LINC00305: variants seen among roughly 807,000 people sequenced by gnomAD.
LINC00305 encodes the protein long intergenic non-protein coding RNA 305.
chr18:64,108,501 G>A (rs2051301135), intron 1 of LINC00305, among the ~76,000 whole-genome samples: 1 of 152,170 alleles, frequency 6.6e-6, no homozygotes, highest in Admixed American at 6.5e-5. Flanking sequence ...TGCTGTTTTG[G>A]AGCCAAGGAC....
intron 1 of LINC00305, among the ~76,000 whole-genome samples, chr18:64,112,783 T>C: frequency 6.6e-6 from 1 of 152,222 alleles, no homozygotes; most frequent in Non-Finnish European, 1.5e-5. Flanking sequence ...TACTTCATAA[T>C]CAATGACTTT....
At chr18:64,126,295 C>T (rs975831482) in intron 1 of LINC00305, among the ~76,000 whole-genome samples, 1 of 151,960 alleles carries the variant, frequency 6.6e-6, no homozygotes, top group Non-Finnish European at 1.5e-5. Context: ...TAAGTGATTT[C>T]AATTCCTTTA....
intron 2 of LINC00305, among the ~76,000 whole-genome samples, chr18:64,098,253 C>T (rs2613659): frequency 0.12 from 18,666 of 152,092 alleles, 1,373 homozygotes; most frequent in East Asian, 0.19. Flanking sequence ...TAAACCTGAC[C>T]GTGTTTATAG....
intron 1 of LINC00305, among the ~76,000 whole-genome samples, chr18:64,120,110 A>C (rs2051355072): frequency 6.6e-6 from 1 of 152,064 alleles, no homozygotes; most frequent in African/African-American, 2.4e-5. Context: ...ATTTATGGCC[A>C]CCAGAGGGGG....
At chr18:64,143,585 C>CATAT (rs2051477526) in intron 1 of LINC00305, among the ~76,000 whole-genome samples, 7 of 88,484 alleles carry the variant, frequency 7.9e-5, no homozygotes, top group African/African-American at 2.2e-4. Flanking sequence ...TGTATATGTA[C>CATAT]ATATGTACAC....
chr18:64,135,947 G>A (rs1314581269), intron 1 of LINC00305, among the ~76,000 whole-genome samples: 1 of 152,136 alleles, frequency 6.6e-6, no homozygotes, highest in Non-Finnish European at 1.5e-5. Context: ...ATTCTTCTGA[G>A]GGTGGGCATG....
rs114826075 is a variant in LINC00305, at chr18:64,139,949, C to T, written n.314+8826G>A. Among the ~76,000 whole-genome samples the T allele has an allele frequency of 4.7e-3, 708 of 152,182 alleles. 6 individuals carry two copies. Among genetic ancestry groups the T allele is most frequent in the African/African-American group, 0.016 (685 of 41,526 alleles). On this transcript the variant is annotated intron_variant and non_coding_transcript_variant, in intron 1 of 3. Transcript: ENST00000666468. ...TCACATCATGACCCAAAGCCTCCATCCTCCCTCTTGCCCTCTTTCATGCTG... is the reference window on the plus strand; with the variant it reads ...TCACATCATGACCCAAAGCCTCCATTCTCCCTCTTGCCCTCTTTCATGCTG...
chr18:64,114,486 C>G (rs532929532), intron 1 of LINC00305, among the ~76,000 whole-genome samples: 2 of 152,292 alleles, frequency 1.3e-5, no homozygotes, highest in Non-Finnish European at 2.9e-5. Context: ...TACGTCTATA[C>G]TGGAACTTTC....
At chr18:64,123,064 T>G (rs1014069068) in intron 1 of LINC00305, among the ~76,000 whole-genome samples, 1 of 152,128 alleles carries the variant, frequency 6.6e-6, no homozygotes, top group Non-Finnish European at 1.5e-5. Context: ...ATTTATCAAA[T>G]CTAGAGATTT....
chr18:64,113,254 A>C (rs964235635), intron 1 of LINC00305, among the ~76,000 whole-genome samples: 1 of 152,274 alleles, frequency 6.6e-6, no homozygotes, highest in South Asian at 2.1e-4. Context: ...TTAGTTTTCT[A>C]GTGAAAATGA....
intron 1 of LINC00305, among the ~76,000 whole-genome samples, chr18:64,118,223 T>C (rs945393813): frequency 6.6e-6 from 1 of 152,154 alleles, no homozygotes; most frequent in Admixed American, 6.5e-5. Flanking sequence ...ATGAAGAACA[T>C]GCACAATTAT....
intron 1 of LINC00305, among the ~76,000 whole-genome samples, chr18:64,111,967 T>C (rs2051316459): frequency 1.3e-5 from 2 of 152,230 alleles, no homozygotes; most frequent in Non-Finnish European, 2.9e-5. Context: ...TTCCAAAATA[T>C]TTGGCTTAAG....
intron 1 of LINC00305, among the ~76,000 whole-genome samples, chr18:64,120,390 A>G (rs1226265943): frequency 6.6e-6 from 1 of 152,142 alleles, no homozygotes; most frequent in Non-Finnish European, 1.5e-5. Flanking sequence ...GGTTCAGATT[A>G]ATGATCTCCT....
intron 1 of LINC00305, among the ~76,000 whole-genome samples, chr18:64,109,504 T>A (rs2051305866): frequency 6.6e-6 from 1 of 152,216 alleles, no homozygotes; most frequent in Non-Finnish European, 1.5e-5. Flanking sequence ...AATGAAACAC[T>A]TCTAATTTAC....
At chr18:64,143,784 ACACATATTATGCG>A (rs1568120364) in intron 1 of LINC00305, among the ~76,000 whole-genome samples, 13 of 92,898 alleles carry the variant, frequency 1.4e-4, no homozygotes, top group Admixed American at 2.4e-4. Flanking sequence ...ACATGTATGT[ACACATATTATGCG>A]TACATGTATG....
chr18:64,112,480 T>C (rs1249885138), intron 1 of LINC00305, among the ~76,000 whole-genome samples: 1 of 152,204 alleles, frequency 6.6e-6, no homozygotes, highest in Non-Finnish European at 1.5e-5. Context: ...AAGATTAGCA[T>C]ATGCATTTTC....
intron 1 of LINC00305, among the ~76,000 whole-genome samples, chr18:64,121,656 G>A (rs776838339): frequency 4.0e-5 from 6 of 151,880 alleles, no homozygotes; most frequent in Non-Finnish European, 5.9e-5. Flanking sequence ...ATAAACATAC[G>A]GGCACAGGTA....
At position 64,102,389 on chromosome 18, in the gene LINC00305, A is replaced by G. The variant is rs112977185; in HGVS notation, n.315-3749T>C. Among the ~76,000 whole-genome samples, 1,050 of 152,298 alleles carry G rather than the reference A, an allele frequency of 6.9e-3. 13 individuals are homozygous for G. Among genetic ancestry groups the G allele is most frequent in the African/African-American group, 0.024 (1,011 of 41,558 alleles). On this transcript the variant is annotated intron_variant and non_coding_transcript_variant, in intron 1 of 3. Coordinates refer to ENST00000666468, the Ensembl canonical transcript of LINC00305. ...AACTTTTTGGATTCATTATAAGTAG[A>G]CATTTAGAATGTCAGCTTCCAGCAA...
chr18:64,113,388 A>G (rs1474582671), intron 1 of LINC00305, among the ~76,000 whole-genome samples: 2 of 152,220 alleles, frequency 1.3e-5, no homozygotes, highest in East Asian at 3.8e-4. Context: ...TTGCATATTT[A>G]TCCTGGAAAA....
Sources: gnomAD v4.1 joint callset for allele counts (sites outside exome capture counted in the v4.1 genomes callset) on GRCh38, gnomAD v4.1.1 for gene constraint, MANE v1.5 for transcripts, NCBI Gene and HGNC (gene_info 2026-07-23, HGNC 2026-07-21) for gene names.